Variants in PRKCA observed in about 807,000 individuals in gnomAD.
PRKCA encodes protein kinase C alpha type.
PRKCA carries 27 observed loss-of-function variants against 87.0 expected under a neutral mutation model. The ratio of observed to expected loss-of-function variants is 0.31; its 90% CI spans 0.23 to 0.43. The LOEUF is 0.43. Among genes scored for constraint, PRKCA ranks in the 20% least tolerant of loss-of-function variants. The pLI is 1.00. For missense variants in PRKCA, 518 were observed against 852.3 expected (o/e 0.61, Z 4.88); for synonymous variants, 329 against 311.1 (o/e 1.06, Z -0.61).
chr17:66,396,331 G>A (rs940020614), intron 2 of PRKCA, among the ~76,000 whole-genome samples: 1 of 152,062 alleles, frequency 6.6e-6, no homozygotes, highest in African/African-American at 2.4e-5. Flanking sequence ...AAAACTGCTA[G>A]CAAACACTAG....
intron 15 of PRKCA, 58 bp downstream of exon 15, chr17:66,787,032 A>G: frequency 8.2e-7 from 1 of 1,214,950 alleles, no homozygotes; most frequent in Non-Finnish European, 1.2e-6. Context: ...TAGGAGAAAT[A>G]CTTTCCCCAC....
At chr17:66,575,835 GA>G in intron 3 of PRKCA, among the ~76,000 whole-genome samples, 1 of 152,080 alleles carries the variant, frequency 6.6e-6, no homozygotes, top group Non-Finnish European at 1.5e-5. Flanking sequence ...TTAGAAACAG[GA>G]CCGGGCACGT....
chr17:66,653,436 GA>G (rs1485865288), intron 5 of PRKCA, among the ~76,000 whole-genome samples: 2 of 152,170 alleles, frequency 1.3e-5, no homozygotes, highest in African/African-American at 4.8e-5. Context: ...TACACAAAAA[GA>G]AAAAATAACC....
chr17:66,726,657 T>C (rs1374185585), intron 8 of PRKCA, among the ~76,000 whole-genome samples: 2 of 151,020 alleles, frequency 1.3e-5, no homozygotes, highest in East Asian at 2.0e-4. Context: ...AGTGTCCTCC[T>C]CAGCCATCAA....
chr17:66,423,935 C>G (rs781265486), intron 2 of PRKCA, among the ~76,000 whole-genome samples: 1 of 151,966 alleles, frequency 6.6e-6, no homozygotes, highest in Non-Finnish European at 1.5e-5. Context: ...GAATCAAGTG[C>G]TTGTCTTCAA....
At chr17:66,371,893 T>G (rs1248749481) in intron 2 of PRKCA, among the ~76,000 whole-genome samples, 1 of 152,198 alleles carries the variant, frequency 6.6e-6, no homozygotes, top group Non-Finnish European at 1.5e-5. Context: ...GCCTGGCGTA[T>G]TATAGGCGTC....
chr17:66,453,309 T>C (rs529994053), intron 2 of PRKCA, among the ~76,000 whole-genome samples: 3 of 151,134 alleles, frequency 2.0e-5, no homozygotes, highest in South Asian at 4.2e-4. Context: ...CCCGTGATCC[T>C]TTTTTTCTTT....
intron 3 of PRKCA, among the ~76,000 whole-genome samples, chr17:66,519,191 T>A (rs1967074111): frequency 6.6e-6 from 1 of 152,004 alleles, no homozygotes; most frequent in Non-Finnish European, 1.5e-5. Context: ...AAAGGAGGAT[T>A]TGGAAGATTG....
chr17:66,782,465 G>GA (rs1975262271), intron 14 of PRKCA, among the ~76,000 whole-genome samples: 1 of 152,100 alleles, frequency 6.6e-6, no homozygotes, highest in African/African-American at 2.4e-5. Context: ...CAACCAGCAG[G>GA]AATTTGGGGA....
intron 3 of PRKCA, among the ~76,000 whole-genome samples, chr17:66,524,090 A>T (rs559747610): frequency 2.7e-4 from 41 of 152,164 alleles, no homozygotes; most frequent in African/African-American, 9.9e-4. Flanking sequence ...AGCCTCTGCA[A>T]CATATACAGG....
At chr17:66,716,754 C>T (rs911249256) in intron 8 of PRKCA, among the ~76,000 whole-genome samples, 4 of 152,216 alleles carry the variant, frequency 2.6e-5, no homozygotes, top group African/African-American at 9.7e-5. Flanking sequence ...CCAAGCACTT[C>T]GCAGTTTCCA....
At chr17:66,560,254 T>C (rs72845919) in intron 3 of PRKCA, among the ~76,000 whole-genome samples, 8,921 of 151,092 alleles carry the variant, frequency 0.059, 338 homozygotes, top group Non-Finnish European at 0.084. Flanking sequence ...AAAAAAAATA[T>C]GAAGAAATTG....
At chr17:66,727,274 A>G (rs1378477226) in intron 8 of PRKCA, among the ~76,000 whole-genome samples, 1 of 152,216 alleles carries the variant, frequency 6.6e-6, no homozygotes, top group African/African-American at 2.4e-5. Flanking sequence ...TACTCCAGAG[A>G]GAGTGGCGTG....
intron 2 of PRKCA, among the ~76,000 whole-genome samples, chr17:66,359,559 A>G (rs1278962788): frequency 6.6e-6 from 1 of 152,200 alleles, no homozygotes; most frequent in Admixed American, 6.5e-5. Flanking sequence ...GGCTTTAACA[A>G]TGTCTTGAGG....
chr17:66,636,591 A>G (rs1468661792), intron 3 of PRKCA, among the ~76,000 whole-genome samples: 1 of 152,176 alleles, frequency 6.6e-6, no homozygotes, highest in Admixed American at 6.5e-5. Context: ...TTTCCTCCCC[A>G]TCCAGGCCCA....
intron 2 of PRKCA, among the ~76,000 whole-genome samples, chr17:66,491,706 T>G (rs556921076): frequency 6.6e-6 from 1 of 152,380 alleles, no homozygotes; most frequent in South Asian, 2.1e-4. Context: ...TGCATCCTTT[T>G]GTTTTATTGA....
chr17:66,702,613 T>C (rs765275621), intron 8 of PRKCA, among the ~76,000 whole-genome samples: 3 of 152,170 alleles, frequency 2.0e-5, no homozygotes, highest in Non-Finnish European at 4.4e-5. Context: ...GTGACAGATA[T>C]GTTAATTAGT....
intron 3 of PRKCA, among the ~76,000 whole-genome samples, chr17:66,576,731 C>T (rs944305585): frequency 6.6e-6 from 1 of 152,154 alleles, no homozygotes; most frequent in African/African-American, 2.4e-5. Flanking sequence ...GAGCCAGCAG[C>T]TGTGGCCTGT....
intron 2 of PRKCA, among the ~76,000 whole-genome samples, chr17:66,386,492 C>A (rs9891234): frequency 0.22 from 33,074 of 151,998 alleles, 3,743 homozygotes; most frequent in Admixed American, 0.31. Flanking sequence ...GCAGGTTTCC[C>A]CTCTGTAAAA....
Sources: gnomAD v4.1 joint callset for allele counts (sites outside exome capture counted in the v4.1 genomes callset) on GRCh38, gnomAD v4.1.1 for gene constraint, MANE v1.5 for transcripts, NCBI Gene and HGNC (gene_info 2026-07-23, HGNC 2026-07-21) for gene names.